TTC23: variants seen among roughly 807,000 people sequenced by gnomAD.
The protein encoded by TTC23 is tetratricopeptide repeat protein 23.
Under a neutral mutation model 55.1 loss-of-function variants are expected in TTC23, and 58 were observed. The ratio of observed to expected loss-of-function variants is 1.05; its 90% CI spans 0.85 to 1.31. The LOEUF is 1.31. Among genes scored for constraint, TTC23 ranks in the 50% most tolerant of loss-of-function variants. The pLI is 0.00. For missense variants in TTC23, 516 were observed against 534.4 expected, an observed-to-expected ratio of 0.97 and a Z score of 0.34; for synonymous variants, 203 against 199.9, an observed-to-expected ratio of 1.02 and a Z score of -0.13.
Position 99,175,145 on chromosome 15 carries a change from A to G in TTC23, c.770T>C (p.Ile257Thr). 1.2e-6 allele frequency: 2 copies of G among 1,613,628 alleles called. No homozygotes were observed. Among genetic ancestry groups the G allele is most frequent in the Non-Finnish European group, 1.7e-6 (2 of 1,179,720 alleles). ...TTGAGAGGGGCTTCTACTCAGGATG[A>G]TAAGATGTGCCTGTCACCACAGAAA... ...SINHFLQAHLIILSRSPSQVE... is the reference protein window; with the variant it reads ...SINHFLQAHLTILSRSPSQVE... Residue 257 changes from isoleucine to threonine, a missense_variant, in exon 10 of 14, where the codon ATC (isoleucine) becomes ACC (threonine). Transcript: ENST00000394132.
At chr15:99,229,584 T>C (rs1386114574) in intron 4 of TTC23, among the ~76,000 whole-genome samples, 2 of 152,130 alleles carry the variant, frequency 1.3e-5, no homozygotes, top group Non-Finnish European at 2.9e-5. Context: ...GACAAATTAC[T>C]GAAGAGGAGA....
At chr15:99,191,215 G>T (rs115281100) in intron 9 of TTC23, among the ~76,000 whole-genome samples, 172 of 152,320 alleles carry the variant, frequency 1.1e-3, no homozygotes, top group African/African-American at 4.0e-3. Flanking sequence ...AAATGCGTTT[G>T]ATTTCAACTT....
At chr15:99,228,842 T>C (rs2078685514) in intron 4 of TTC23, 110 bp from the exon 5 acceptor site, 3 of 890,880 alleles carry the variant, frequency 3.4e-6, no homozygotes, top group African/African-American at 1.7e-5. Flanking sequence ...AGTAGCATTA[T>C]ATCCCAAAAG....
chr15:99,231,554 A>G (rs749747869), intron 4 of TTC23, among the ~76,000 whole-genome samples: 84 of 151,248 alleles, frequency 5.6e-4, no homozygotes, highest in Middle Eastern at 3.4e-3. Context: ...TGCAGTTGGC[A>G]CGATCTCGGC....
intron 2 of TTC23, among the ~76,000 whole-genome samples, chr15:99,244,693 T>C (rs949742896): frequency 2.0e-4 from 31 of 152,170 alleles, no homozygotes; most frequent in African/African-American, 7.0e-4. Flanking sequence ...AATATTAAGA[T>C]AGAATACTCC....
At chr15:99,247,702 A>G (rs2080371219) in intron 1 of TTC23, among the ~76,000 whole-genome samples, 1 of 152,204 alleles carries the variant, frequency 6.6e-6, no homozygotes, top group Non-Finnish European at 1.5e-5. Context: ...ATAGGAAACC[A>G]GGACTTGCCT....
chr15:99,174,883 C>CA (rs150115530), intron 10 of TTC23, among the ~76,000 whole-genome samples, 167 bp downstream of exon 10: 6,061 of 152,196 alleles, frequency 0.04, 165 homozygotes, highest in Non-Finnish European at 0.062. Flanking sequence ...CCAAAGGACT[C>CA]AGAGGAAAGC....
At chr15:99,167,635 G>T (rs971151004) in intron 10 of TTC23, among the ~76,000 whole-genome samples, 5 of 152,138 alleles carry the variant, frequency 3.3e-5, no homozygotes, top group Non-Finnish European at 7.4e-5. Context: ...ACAGGCAAAA[G>T]AAAACAAGGC....
intron 10 of TTC23, among the ~76,000 whole-genome samples, chr15:99,173,367 G>A (rs1321323132): frequency 3.3e-5 from 5 of 152,146 alleles, no homozygotes; most frequent in African/African-American, 1.2e-4. Flanking sequence ...AAGATGGGAG[G>A]GTAGCCTAGG....
chr15:99,161,119 T>A (rs1478939906), intron 11 of TTC23: 3 of 151,550 alleles, frequency 2.0e-5, no homozygotes, highest in African/African-American at 7.3e-5. Context: ...TATATACATA[T>A]ATATGCACAC....
chr15:99,169,309 G>A (rs1179221730), intron 10 of TTC23, among the ~76,000 whole-genome samples: 1 of 152,082 alleles, frequency 6.6e-6, no homozygotes, highest in Non-Finnish European at 1.5e-5. Flanking sequence ...TCTGAAGGGA[G>A]ACAGGCAACT....
chr15:99,149,313 T>C (rs575494000), intron 12 of TTC23, among the ~76,000 whole-genome samples: 1 of 152,234 alleles, frequency 6.6e-6, no homozygotes, highest in Non-Finnish European at 1.5e-5. Context: ...GTGCCCATCA[T>C]TTCTCTTGGA....
chr15:99,246,816 A>G (rs1057138487), intron 1 of TTC23, among the ~76,000 whole-genome samples: 2 of 152,164 alleles, frequency 1.3e-5, no homozygotes, highest in African/African-American at 4.8e-5. Flanking sequence ...GCTACTCGGG[A>G]GGCTGAGGCA....
In TTC23 at chr15:99,138,012, A is replaced by G; in HGVS notation, c.1342T>C (p.Ter448ArgextTer8). The change falls in exon 14 of 14, where the codon TGA (stop) becomes CGA (arginine). Residue 448 changes from the stop codon to arginine, a stop_lost. Coordinates refer to ENST00000394132, the MANE Select transcript of TTC23 (RefSeq NM_001288615.3). ...TAGGCTTTTTCAGGGTGGGGGCCTC[A>G]GTCTGCTGTTGTGCCGGGCCGGGCC... ...GKARPGTTAD[*>R] is the part of the protein sequence containing the mutation. 1 of 1,614,126 alleles carries G rather than the reference A, an allele frequency of 6.2e-7. No homozygotes were observed. Among genetic ancestry groups the G allele is most frequent in the South Asian group, 1.1e-5 (1 of 91,082 alleles).
chr15:99,156,664 G>A (rs190791939), intron 11 of TTC23, among the ~76,000 whole-genome samples: 152 of 152,278 alleles, frequency 1.0e-3, no homozygotes, highest in Non-Finnish European at 1.9e-3. Flanking sequence ...ACGGCATGGG[G>A]GTAACCGCAC....
intron 9 of TTC23, among the ~76,000 whole-genome samples, chr15:99,192,925 GCATGACCTGGATGT>G (rs1411852199): frequency 1.3e-5 from 2 of 152,208 alleles, no homozygotes; most frequent in African/African-American, 4.8e-5. Context: ...TCTTGCATCA[GCATGACCTGGATGT>G]GAGACATGGA....
chr15:99,200,213 T>G (rs143318176), intron 8 of TTC23, 117 bp from the exon 9 acceptor site: 9 of 936,018 alleles, frequency 9.6e-6, no homozygotes, highest in African/African-American at 8.5e-5. Context: ...GTTCGTTTCC[T>G]TGCTAACTAA....
intron 11 of TTC23, chr15:99,158,531 G>C (rs2070925179): frequency 6.6e-6 from 1 of 152,396 alleles, no homozygotes; most frequent in African/African-American, 2.4e-5. Flanking sequence ...ATGAGAAGAG[G>C]GTATGGGCCA....
At chr15:99,190,663 C>T (rs138950007) in intron 9 of TTC23, among the ~76,000 whole-genome samples, 2 of 152,272 alleles carry the variant, frequency 1.3e-5, no homozygotes, top group East Asian at 1.9e-4. Context: ...AAATGAAAGG[C>T]ACTACATAAC....
Sources: gnomAD v4.1 joint callset for allele counts (sites outside exome capture counted in the v4.1 genomes callset) on GRCh38, gnomAD v4.1.1 for gene constraint, MANE v1.5 for transcripts, NCBI Gene and HGNC (gene_info 2026-07-23, HGNC 2026-07-21) for gene names.